Variants in RSF1 observed in about 807,000 individuals in gnomAD.
RSF1 encodes HBV pX-associated protein 8.
RSF1 carries 13 observed loss-of-function variants against 145.2 expected under a neutral mutation model. That is an observed-to-expected ratio of 0.09 (90% CI 0.06 to 0.14). The LOEUF is 0.14. Among genes scored for constraint, RSF1 ranks in the 10% least tolerant of loss-of-function variants. The pLI is 1.00. For missense variants in RSF1, 1,517 were observed against 1,718.2 expected (o/e 0.88, Z 2.07); for synonymous variants, 577 against 592.6 (o/e 0.97, Z 0.38).
chr11:77,709,704 T>C (rs985368204), intron 5 of RSF1, among the ~76,000 whole-genome samples: 1 of 150,346 alleles, frequency 6.7e-6, no homozygotes, highest in East Asian at 1.9e-4. Context: ...CTTTTTTTTT[T>C]AAATGTTTTT....
At chr11:77,680,189 T>G (rs578193216) in intron 11 of RSF1, among the ~76,000 whole-genome samples, 1 of 152,226 alleles carries the variant, frequency 6.6e-6, no homozygotes, top group Admixed American at 6.5e-5. Flanking sequence ...CTCAGCACTC[T>G]TGGGAGGCTG....
At chr11:77,671,926 G>A (rs1489424131) in intron 15 of RSF1, 116 bp downstream of exon 15, 5 of 963,794 alleles carry the variant, frequency 5.2e-6, no homozygotes, top group Non-Finnish European at 7.5e-6. Context: ...GAGCCACCAT[G>A]CCTGGCCTGG....
intron 3 of RSF1, among the ~76,000 whole-genome samples, chr11:77,744,161 T>C (rs1400940645): frequency 1.3e-5 from 2 of 151,924 alleles, no homozygotes; most frequent in Non-Finnish European, 2.9e-5. Context: ...CCCTAGTAGT[T>C]GGAATTACAG....
At chr11:77,812,600 T>C (rs1483835517) in intron 1 of RSF1, among the ~76,000 whole-genome samples, 1 of 152,008 alleles carries the variant, frequency 6.6e-6, no homozygotes, top group Non-Finnish European at 1.5e-5. Flanking sequence ...TTAAAATCAG[T>C]TTGGGCTGGA....
rs774981997 is a variant in RSF1 at position 77,820,658 on chromosome 11, C to T, written c.57G>A (p.Ser19=). Residue 19 remains serine (S), a synonymous_variant, in exon 1 of 16, where the codon TCG becomes TCA. Transcript: ENST00000308488. ...AVMAPPGCPG[S]CPNFAVVCSF... is the part of the protein sequence containing the mutation. ...AGCAGACTACGGCGAAGTTGGGGCA[C>T]GAACCCGGGCAGCCCGGAGGAGCCA... 1.3e-6 allele frequency: 2 copies of T among 1,558,968 alleles called. No individual in the cohort carries two copies. The highest frequency in any genetic ancestry group is 1.7e-6 in the Non-Finnish European group (2 of 1,152,880).
At chr11:77,743,197 G>C (rs1947960608) in intron 3 of RSF1, among the ~76,000 whole-genome samples, 1 of 152,076 alleles carries the variant, frequency 6.6e-6, no homozygotes, top group Non-Finnish European at 1.5e-5. Flanking sequence ...TGTTCTTCTG[G>C]CTCAAGACTG....
intron 2 of RSF1, among the ~76,000 whole-genome samples, chr11:77,752,321 A>G (rs1333052542): frequency 6.6e-6 from 1 of 152,152 alleles, no homozygotes; most frequent in Non-Finnish European, 1.5e-5. Context: ...CTTTTTTGTT[A>G]GCACGTATAC....
rs552691569 is a variant in RSF1, at chr11:77,728,297, T to C, written c.579-2598A>G. On this transcript the variant is annotated intron_variant, in intron 4 of 15. Transcript: ENST00000308488. ...AAACAAAATCTAGTATATCTACATA[T>C]GGAAATACTACTCAGCCATAAAAAG... Among the ~76,000 whole-genome samples, 10 of 152,300 alleles carry C rather than the reference T, an allele frequency of 6.6e-5. No homozygotes were observed. In the East Asian group the frequency reaches 1.9e-3, roughly 29 times the overall value.
intron 1 of RSF1, among the ~76,000 whole-genome samples, chr11:77,793,183 A>G (rs1948537456): frequency 6.6e-6 from 1 of 152,230 alleles, no homozygotes; most frequent in African/African-American, 2.4e-5. Context: ...CTGAATGGAT[A>G]AAGAAACATG....
intron 9 of RSF1, among the ~76,000 whole-genome samples, chr11:77,687,673 CTGG>C (rs1960046503): frequency 6.6e-6 from 1 of 152,062 alleles, no homozygotes; most frequent in Non-Finnish European, 1.5e-5. Flanking sequence ...GCACTCTAGC[CTGG>C]GTGACAAAGC....
intron 1 of RSF1, among the ~76,000 whole-genome samples, chr11:77,804,262 T>C (rs187526633): frequency 4.4e-4 from 67 of 152,280 alleles, no homozygotes; most frequent in African/African-American, 1.6e-3. Flanking sequence ...AATAAAGCCA[T>C]AACTGTAAAT....
intron 4 of RSF1, among the ~76,000 whole-genome samples, chr11:77,727,381 T>C (rs1161324539): frequency 6.6e-6 from 1 of 151,954 alleles, no homozygotes; most frequent in Non-Finnish European, 1.5e-5. Flanking sequence ...CTGAAGAGTA[T>C]ACTGAAGTTA....
chr11:77,818,346 A>C (rs1203629514), intron 1 of RSF1, among the ~76,000 whole-genome samples: 1 of 152,184 alleles, frequency 6.6e-6, no homozygotes, highest in East Asian at 1.9e-4. Context: ...ACTTGGTCCA[A>C]AGAAATTACC....
intron 1 of RSF1, among the ~76,000 whole-genome samples, chr11:77,814,108 G>A (rs1168542869): frequency 6.6e-6 from 1 of 151,690 alleles, no homozygotes; most frequent in Non-Finnish European, 1.5e-5. Flanking sequence ...CGTGAGGCAG[G>A]AGAATCACTT....
the RSF1 span, among the ~76,000 whole-genome samples, chr11:77,857,705 T>G: frequency 1.3e-5 from 2 of 151,738 alleles, no homozygotes; most frequent in African/African-American, 2.4e-5. Flanking sequence ...AGTTGTTTTT[T>G]TTTTTTTTTG....
the RSF1 span, among the ~76,000 whole-genome samples, chr11:77,855,720 CT>C: frequency 1.7e-3 from 220 of 127,920 alleles, no homozygotes; most frequent in African/African-American, 5.1e-3. Flanking sequence ...AGTTTTATGT[CT>C]TTTTTTTTTT....
chr11:77,848,909 T>C, the RSF1 span, among the ~76,000 whole-genome samples: 13 of 152,240 alleles, frequency 8.5e-5, no homozygotes, highest in South Asian at 2.1e-4. Flanking sequence ...CCTGCTCTTA[T>C]CATCCCAACT....
intron 4 of RSF1, among the ~76,000 whole-genome samples, chr11:77,726,585 G>A (rs1961058262): frequency 6.6e-6 from 1 of 152,158 alleles, no homozygotes; most frequent in African/African-American, 2.4e-5. Context: ...AAGAAATGCT[G>A]TCAGACAGTG....
At chr11:77,719,434 A>T (rs925887231) in intron 5 of RSF1, among the ~76,000 whole-genome samples, 21 of 152,324 alleles carry the variant, frequency 1.4e-4, no homozygotes, top group Middle Eastern at 3.4e-3. Flanking sequence ...ACTAAGCCCG[A>T]TTTTAGAGGA....
Sources: gnomAD v4.1 joint callset for allele counts (sites outside exome capture counted in the v4.1 genomes callset) on GRCh38, gnomAD v4.1.1 for gene constraint, MANE v1.5 for transcripts, NCBI Gene and HGNC (gene_info 2026-07-23, HGNC 2026-07-21) for gene names.